The following CNTNAP2 variants were observed in gnomAD, a reference collection of about 807,000 sequenced individuals.
The protein encoded by CNTNAP2 is contactin-associated protein-like 2.
CNTNAP2 carries 98 observed loss-of-function variants against 155.2 expected under a neutral mutation model. The ratio of observed to expected loss-of-function variants is 0.63; its 90% CI spans 0.54 to 0.75. CNTNAP2 has a LOEUF of 0.75. Among genes scored for constraint, CNTNAP2 ranks in the 30% least tolerant of loss-of-function variants. CNTNAP2 has a pLI of 0.00. For synonymous variants in CNTNAP2, 651 were observed against 631.2 expected (o/e 1.03, Z -0.47); for missense variants, 1,727 against 1,688.1 (o/e 1.02, Z -0.40).
intron 1 of CNTNAP2, among the ~76,000 whole-genome samples, chr7:146,316,978 A>G (rs1038154640): frequency 1.3e-5 from 2 of 152,046 alleles, no homozygotes; most frequent in African/African-American, 4.8e-5. Context: ...TTTACAAATC[A>G]CTCAAACTAA....
At position 146,846,114 on chromosome 7, in the gene CNTNAP2, A is replaced by G. The variant is rs951906597; in HGVS notation, c.402+6210A>G. On this transcript the variant is annotated intron_variant, in intron 3 of 23. Transcript: ENST00000361727. ...GCATGCGAAAGTCAGGATGACAACC[A>G]TCCTGTCGCCTGCCCCTACATCTTC... Among the ~76,000 whole-genome samples, 5 of 152,308 alleles carry G rather than the reference A, an allele frequency of 3.3e-5. 1 individual carries two copies. The highest frequency in any genetic ancestry group is 2.1e-4 in the South Asian group (1 of 4,830).
At chr7:147,677,766 A>G (rs145428918) in intron 13 of CNTNAP2, among the ~76,000 whole-genome samples, 2,486 of 151,854 alleles carry the variant, frequency 0.016, 220 homozygotes, top group Admixed American at 0.15. Flanking sequence ...ACCATATATT[A>G]AAGAGACTCT....
intron 13 of CNTNAP2, among the ~76,000 whole-genome samples, chr7:147,812,180 C>T (rs1328777135): frequency 6.6e-6 from 1 of 152,016 alleles, no homozygotes; most frequent in Non-Finnish European, 1.5e-5. Flanking sequence ...GGAGAGCGGC[C>T]AGTCCAGAGG....
chr7:147,723,905 T>G (rs1442556132), intron 13 of CNTNAP2, among the ~76,000 whole-genome samples: 1 of 151,966 alleles, frequency 6.6e-6, no homozygotes, highest in African/African-American at 2.4e-5. Context: ...AATCCTCTCT[T>G]TTAGGAATTC....
intron 13 of CNTNAP2, among the ~76,000 whole-genome samples, chr7:147,669,581 T>C (rs1337893746): frequency 6.6e-6 from 1 of 152,216 alleles, no homozygotes; most frequent in East Asian, 1.9e-4. Context: ...TAGGTCATTG[T>C]GACACTAGTT....
chr7:147,879,477 T>C (rs565843054), intron 13 of CNTNAP2, among the ~76,000 whole-genome samples: 20 of 151,950 alleles, frequency 1.3e-4, no homozygotes, highest in Non-Finnish European at 2.6e-4. Context: ...TTTTTTTTAA[T>C]GCGTGCTCTT....
At chr7:147,892,029 A>G (rs1466022491) in intron 13 of CNTNAP2, among the ~76,000 whole-genome samples, 2 of 152,234 alleles carry the variant, frequency 1.3e-5, no homozygotes, top group South Asian at 2.1e-4. Flanking sequence ...TAAAAGGAGA[A>G]AAAACTTTTA....
At position 147,225,483 on chromosome 7, in the gene CNTNAP2, A is replaced by G. The variant is rs1199763848; in HGVS notation, c.1349-74658A>G. On this transcript the variant is annotated intron_variant, in intron 8 of 23. Transcript: ENST00000361727. Reference sequence around the variant, plus strand: ...CCTAAATAATATGACTCTTGTTTTTAATTAGGTTTAAAGTACCCTTTGCAG... The same window carrying G: ...CCTAAATAATATGACTCTTGTTTTTGATTAGGTTTAAAGTACCCTTTGCAG... 6.6e-5 allele frequency among the ~76,000 whole-genome samples: 10 copies of G among 152,214 alleles called. No homozygotes were observed. The East Asian group carries it at 1.9e-3, about 29-fold the overall frequency.
At chr7:147,916,277 T>G (rs1481204162) in intron 14 of CNTNAP2, among the ~76,000 whole-genome samples, 4 of 152,142 alleles carry the variant, frequency 2.6e-5, no homozygotes, top group Non-Finnish European at 5.9e-5. Flanking sequence ...TCAGGGACAT[T>G]TTGGTGCCAA....
At chr7:146,924,857 A>G (rs1291625263) in intron 3 of CNTNAP2, among the ~76,000 whole-genome samples, 2 of 152,082 alleles carry the variant, frequency 1.3e-5, no homozygotes, top group African/African-American at 2.4e-5. Context: ...AAATCTTTTG[A>G]TTCATAGAAG....
At chr7:147,459,614 T>C (rs914423143) in intron 10 of CNTNAP2, among the ~76,000 whole-genome samples, 10 of 152,266 alleles carry the variant, frequency 6.6e-5, no homozygotes, top group Non-Finnish European at 1.0e-4. Context: ...GGAAAGAAGA[T>C]GCTACGTTGC....
intron 18 of CNTNAP2, among the ~76,000 whole-genome samples, chr7:148,207,872 C>A (rs908642617): frequency 4.5e-4 from 69 of 151,866 alleles, no homozygotes; most frequent in Non-Finnish European, 8.4e-4. Flanking sequence ...CCGAGGCGGG[C>A]GGATCACGAG....
At chr7:147,210,316 A>G (rs1451971726) in intron 8 of CNTNAP2, among the ~76,000 whole-genome samples, 1 of 152,004 alleles carries the variant, frequency 6.6e-6, no homozygotes, top group Non-Finnish European at 1.5e-5. Context: ...TCCTAATTCA[A>G]TCTTGGGAGA....
intron 8 of CNTNAP2, among the ~76,000 whole-genome samples, chr7:147,285,038 T>A (rs1805145247): frequency 6.6e-6 from 1 of 151,756 alleles, no homozygotes; most frequent in Non-Finnish European, 1.5e-5. Context: ...AAGTTAAAGA[T>A]TATCTGGTGG....
chr7:146,773,223 T>A (rs1429089489), intron 1 of CNTNAP2, among the ~76,000 whole-genome samples: 1 of 151,962 alleles, frequency 6.6e-6, no homozygotes, highest in African/African-American at 2.4e-5. Flanking sequence ...GAAAAAAAAA[T>A]CTTAATGACA....
intron 4 of CNTNAP2, among the ~76,000 whole-genome samples, chr7:147,054,977 A>G (rs1799531968): frequency 6.6e-6 from 1 of 152,090 alleles, no homozygotes; most frequent in African/African-American, 2.4e-5. Context: ...TTCACCTTTC[A>G]TGCTCGTTTG....
At chr7:146,849,088 G>A (rs934631743) in intron 3 of CNTNAP2, among the ~76,000 whole-genome samples, 1 of 151,984 alleles carries the variant, frequency 6.6e-6, no homozygotes, top group Non-Finnish European at 1.5e-5. Context: ...GCAAAAAGCT[G>A]ACTTTTTAAA....
chr7:148,388,665 A>T (rs1303087458), intron 22 of CNTNAP2, among the ~76,000 whole-genome samples: 1 of 151,696 alleles, frequency 6.6e-6, no homozygotes, highest in South Asian at 2.1e-4. Flanking sequence ...TTGTGGTTTT[A>T]TCTACTTTTG....
intron 13 of CNTNAP2, among the ~76,000 whole-genome samples, chr7:147,761,037 T>C (rs1183847844): frequency 6.6e-6 from 1 of 152,202 alleles, no homozygotes; most frequent in Non-Finnish European, 1.5e-5. Flanking sequence ...GGCATTATAG[T>C]ATATGGCTTA....
Sources: allele counts gnomAD v4.1 joint callset (sites outside exome capture counted in the v4.1 genomes callset), GRCh38; gene constraint gnomAD v4.1.1; transcripts MANE v1.5; gene names NCBI Gene and HGNC (gene_info 2026-07-23, HGNC 2026-07-21).